Variants in OLA1 observed in about 807,000 individuals in gnomAD.
OLA1 encodes Obg like ATPase 1.
A neutral mutation model predicts 48.4 loss-of-function variants in OLA1; 14 were observed. The observed-to-expected ratio is 0.29, with a 90% CI of 0.19 to 0.45. OLA1 has a LOEUF of 0.45. OLA1 is among the 20% of genes least tolerant of loss of function. The pLI is 1.00. For synonymous variants in OLA1, 127 were observed against 150.4 expected, an observed-to-expected ratio of 0.84 and a Z score of 1.14; for missense variants, 325 against 467.1, an observed-to-expected ratio of 0.70 and a Z score of 2.80.
chr2:174,140,211 T>C (rs1686412370), intron 5 of OLA1, among the ~76,000 whole-genome samples: 1 of 152,184 alleles, frequency 6.6e-6, no homozygotes, highest in South Asian at 2.1e-4. Flanking sequence ...ATCTTTCTCA[T>C]AAATTTCAAG....
rs186445765 is a variant in OLA1, at chr2:174,218,913, T to G, written c.373+4120A>C. On this transcript the variant is annotated intron_variant, in intron 4 of 10. Transcript: ENST00000284719. ...ACAGGTCATTGCAGCCTCGAACTCT[T>G]GAGCTCAAGTGATTCTCCTGCCTCA... 5.2e-4 allele frequency among the ~76,000 whole-genome samples: 79 copies of G among 152,064 alleles called. 1 individual carries two copies. The Middle Eastern group carries it at 0.014, about 26-fold the overall frequency.
intron 4 of OLA1, chr2:174,217,969 G>C (rs1277976294): frequency 1.3e-5 from 2 of 152,016 alleles, no homozygotes; most frequent in African/African-American, 4.8e-5. Flanking sequence ...CTAGACAGCA[G>C]ATTATTAGGT....
At chr2:174,219,182 A>G (rs1351300789) in intron 4 of OLA1, among the ~76,000 whole-genome samples, 1 of 151,302 alleles carries the variant, frequency 6.6e-6, no homozygotes, top group Admixed American at 6.6e-5. Flanking sequence ...GTGGCTCATG[A>G]CTGTAATCCC....
chr2:174,219,565 C>T (rs191645387), intron 4 of OLA1, among the ~76,000 whole-genome samples: 2 of 151,086 alleles, frequency 1.3e-5, no homozygotes, highest in Non-Finnish European at 1.5e-5. Flanking sequence ...GTAGCTGAGA[C>T]CACAGGCACA....
rs376243604 is a variant in OLA1 at position 174,082,017 on chromosome 2, A to G, written c.776T>C (p.Leu259Ser). 3.2e-5 allele frequency: 52 copies of G among 1,613,464 alleles called. No individual in the cohort carries two copies. Among genetic ancestry groups the G allele is most frequent in the East Asian group, 2.2e-4 (10 of 44,862 alleles). ...CAAGGCCCCACTAAAAGGAATGACC[A>G]AAGCACCTGGGTCATACTTGTCCAC... ...EWVDKYDPGA[L>S]VIPFSGALEL... Residue 259 changes from leucine to serine, a missense_variant, in exon 8 of 11, where the codon TTG (leucine) becomes TCG (serine). Leu to Ser is a moderately radical substitution (Grantham distance 145). Coordinates refer to ENST00000284719, the MANE Select transcript of OLA1 (RefSeq NM_013341.5).
chr2:174,137,013 G>A (rs1686325931), intron 5 of OLA1, among the ~76,000 whole-genome samples: 2 of 152,036 alleles, frequency 1.3e-5, no homozygotes, highest in African/African-American at 2.4e-5. Flanking sequence ...CTTCCAAAAG[G>A]TTTTCAATTT....
intron 4 of OLA1, among the ~76,000 whole-genome samples, chr2:174,209,086 A>G (rs534659208): frequency 2.6e-5 from 4 of 152,276 alleles, no homozygotes; most frequent in Non-Finnish European, 5.9e-5. Flanking sequence ...TGAGCTTAGA[A>G]ATTTGAGACC....
At chr2:174,119,418 T>C (rs912569863) in intron 7 of OLA1, among the ~76,000 whole-genome samples, 2 of 152,254 alleles carry the variant, frequency 1.3e-5, no homozygotes, top group Middle Eastern at 3.4e-3. Flanking sequence ...ACAATAGTTC[T>C]ATAGAAATAG....
intron 5 of OLA1, among the ~76,000 whole-genome samples, chr2:174,130,466 T>C (rs1246846647): frequency 6.6e-6 from 1 of 152,190 alleles, no homozygotes; most frequent in Non-Finnish European, 1.5e-5. Context: ...TTCACTGAAG[T>C]AGATAGTAAG....
intron 4 of OLA1, among the ~76,000 whole-genome samples, chr2:174,162,686 T>C (rs1235173726): frequency 6.6e-6 from 1 of 152,192 alleles, no homozygotes; most frequent in Non-Finnish European, 1.5e-5. Context: ...TTATTTTCTG[T>C]TTTGTGAAAA....
intron 4 of OLA1, among the ~76,000 whole-genome samples, chr2:174,147,937 C>T (rs1686650560): frequency 6.6e-6 from 1 of 152,136 alleles, no homozygotes; most frequent in Non-Finnish European, 1.5e-5. Context: ...AATTCTAGTG[C>T]CTCAGCCTCC....
At chr2:174,144,952 ATATAT>A (rs367588871) in intron 4 of OLA1, among the ~76,000 whole-genome samples, 1,705 of 48,966 alleles carry the variant, frequency 0.035, 37 homozygotes, top group Non-Finnish European at 0.048. Context: ...AAAAAAAAAA[ATATAT>A]ATATATATAT....
In OLA1 at chr2:174,247,281, G is replaced by A. The variant is rs151015111; in HGVS notation, c.1-466C>T. ...CCAGCTACTCGGGAGGCTGAGGCTC[G>A]AGAACTGCTTGAACTCGGGAGGCGA... On this transcript the variant is annotated intron_variant, in intron 1 of 10. Transcript: ENST00000284719. 826 of 176,718 alleles carry A rather than the reference G, an allele frequency of 4.7e-3. 4 individuals are homozygous for A. Among genetic ancestry groups the A allele is most frequent in the Non-Finnish European group, 7.7e-3 (644 of 84,012 alleles). 10.9% of individuals were successfully genotyped at this position (176,718 alleles called of 1,614,324 possible). A position where few individuals can be genotyped will look rare whatever the true frequency, so the allele number is the denominator to read the frequency against.
chr2:174,185,613 C>T (rs1015512014), intron 4 of OLA1, among the ~76,000 whole-genome samples: 4 of 151,954 alleles, frequency 2.6e-5, no homozygotes, highest in Admixed American at 6.6e-5. Context: ...TAAAGAATTA[C>T]ACAAACAAAC....
chr2:174,179,412 A>AAT (rs991186683), intron 4 of OLA1, among the ~76,000 whole-genome samples: 4 of 151,758 alleles, frequency 2.6e-5, no homozygotes, highest in East Asian at 1.9e-4. Context: ...TAGATATTTA[A>AAT]ATATATATAT....
chr2:174,191,689 C>T (rs1687781593), intron 4 of OLA1, among the ~76,000 whole-genome samples: 1 of 152,064 alleles, frequency 6.6e-6, no homozygotes, highest in South Asian at 2.1e-4. Flanking sequence ...TCTCAAACTC[C>T]TGACCTCAAG....
At chr2:174,188,610 T>C (rs144429263) in intron 4 of OLA1, among the ~76,000 whole-genome samples, 111 of 152,246 alleles carry the variant, frequency 7.3e-4, no homozygotes, top group African/African-American at 2.5e-3. Flanking sequence ...TGTAAGAAAA[T>C]GGCTGCTTAT....
At chr2:174,098,209 A>G (rs1407913707) in intron 7 of OLA1, among the ~76,000 whole-genome samples, 5 of 152,242 alleles carry the variant, frequency 3.3e-5, no homozygotes, top group Admixed American at 3.3e-4. Context: ...GATGAGAAAT[A>G]AAATATTTTG....
chr2:174,106,824 G>C (rs1317398431), intron 7 of OLA1, among the ~76,000 whole-genome samples: 1 of 152,146 alleles, frequency 6.6e-6, no homozygotes, highest in Non-Finnish European at 1.5e-5. Context: ...TCTAAAAAGA[G>C]TCCCTGCTGA....
Sources: allele counts gnomAD v4.1 joint callset (sites outside exome capture counted in the v4.1 genomes callset), GRCh38; gene constraint gnomAD v4.1.1; transcripts MANE v1.5; gene names NCBI Gene and HGNC (gene_info 2026-07-23, HGNC 2026-07-21).